RBM25: variants seen among roughly 807,000 people sequenced by gnomAD.
The protein encoded by RBM25 is RNA-binding protein 25.
A neutral mutation model predicts 120.7 loss-of-function variants in RBM25; 19 were observed. That is an observed-to-expected ratio of 0.16 (90% CI 0.11 to 0.23). The LOEUF (loss-of-function observed/expected upper bound fraction) is 0.23, where lower values mean the gene tolerates loss of function less well. Ranked by LOEUF, RBM25 falls within the 10% of genes least tolerant of loss-of-function variation. The pLI is 1.00. For synonymous variants in RBM25, 390 were observed against 326.7 expected (o/e 1.19, Z -2.09); for missense variants, 605 against 1,041.5 (o/e 0.58, Z 5.77).
chr14:73,070,886 G>T (rs551036680), intron 1 of RBM25, among the ~76,000 whole-genome samples: 43 of 149,196 alleles, frequency 2.9e-4, no homozygotes, highest in African/African-American at 9.9e-4. Context: ...GGTGGAGATT[G>T]CAGTAAGCCA....
intron 4 of RBM25, among the ~76,000 whole-genome samples, chr14:73,079,579 C>G (rs770213180): frequency 1.3e-5 from 2 of 150,618 alleles, no homozygotes; most frequent in Non-Finnish European, 3.0e-5. Context: ...ATGAGTAGTT[C>G]AGTATGAGTC....
Position 73,071,749 on chromosome 14 carries a change from T to C in RBM25, c.106+2T>C. ...GATTTCCTCCACCTGTACCTCCAGGTAAGTTTGTTGATACTGTTTTTTGTC... is the reference window on the plus strand; with the variant it reads ...GATTTCCTCCACCTGTACCTCCAGGCAAGTTTGTTGATACTGTTTTTTGTC... On this transcript the variant is annotated splice_donor_variant, in intron 2 of 18. Transcript: ENST00000261973. LOFTEE classifies it high-confidence loss of function. 1 of 1,606,240 alleles carries C rather than the reference T, an allele frequency of 6.2e-7. No homozygotes were observed. Among genetic ancestry groups the C allele is most frequent in the African/African-American group, 1.3e-5 (1 of 74,882 alleles).
chr14:73,060,595 A>G lies in RBM25; in HGVS notation c.-16+1890A>G, dbSNP rs190909776. Among the ~76,000 whole-genome samples the G allele has an allele frequency of 3.6e-4, 54 of 151,568 alleles. No individual in the cohort carries two copies. The East Asian group carries it at 9.1e-3, about 25-fold the overall frequency. On this transcript the variant is annotated intron_variant, in intron 1 of 18. Coordinates refer to ENST00000261973, the MANE Select transcript of RBM25 (RefSeq NM_021239.3). ...CTTGATTGACTTTTCAAACACTATCACTGCCATTCACAAAAGGGGATTTTT... is the reference window on the plus strand; with the variant it reads ...CTTGATTGACTTTTCAAACACTATCGCTGCCATTCACAAAAGGGGATTTTT...
At chr14:73,105,248 C>CA (rs1028653014) in intron 10 of RBM25, among the ~76,000 whole-genome samples, 2 of 151,332 alleles carry the variant, frequency 1.3e-5, no homozygotes, top group African/African-American at 4.9e-5. Flanking sequence ...GGCAGGACTA[C>CA]AGGCACGTGC....
chr14:73,103,976 A>ACG (rs1594928403), intron 10 of RBM25, among the ~76,000 whole-genome samples: 1 of 144,754 alleles, frequency 6.9e-6, no homozygotes, highest in East Asian at 2.0e-4. Flanking sequence ...ACACACACAC[A>ACG]CACACACACA....
Position 73,122,536 on chromosome 14 carries a change from A to G in RBM25, c.*2731A>G, listed in dbSNP as rs1029012012. On this transcript the variant is annotated 3_prime_UTR_variant, in exon 19 of 19. Transcript: ENST00000261973. ...GGTGATCCACCCGCCTCAGCCTCCC[A>G]AAGTGCTGGTATTACAGGCGTGAGC... 1 of 152,192 alleles carries G rather than the reference A, an allele frequency of 6.6e-6. No individual in the cohort carries two copies. The highest frequency in any genetic ancestry group is 2.1e-4 in the South Asian group (1 of 4,824). The allele number at this position is 152,192 out of a possible 1,614,324, so 9.4% of individuals were successfully genotyped here.
intron 6 of RBM25, among the ~76,000 whole-genome samples, chr14:73,090,575 C>G (rs542004101): frequency 6.6e-6 from 1 of 152,264 alleles, no homozygotes; most frequent in South Asian, 2.1e-4. Context: ...TCAGCCTGCC[C>G]TTAGTTTCTG....
In RBM25 at chr14:73,099,444, A is replaced by T; in HGVS notation, c.783+11A>T. The T allele has an allele frequency of 6.2e-7, 1 of 1,608,888 alleles. No individual in the cohort carries two copies. ...CCACTCATCACTAAGGTTAGTTTAAATTGTAGGCTTTGACAATACCTGTGT... is the reference window on the plus strand; with the variant it reads ...CCACTCATCACTAAGGTTAGTTTAATTTGTAGGCTTTGACAATACCTGTGT... On this transcript the variant is annotated intron_variant, in intron 8 of 18. Transcript: ENST00000261973.
At chr14:73,090,568 G>A (rs935033649) in intron 6 of RBM25, among the ~76,000 whole-genome samples, 2 of 152,114 alleles carry the variant, frequency 1.3e-5, no homozygotes, top group African/African-American at 4.8e-5. Context: ...GACTTTATCA[G>A]CCTGCCCTTA....
intron 5 of RBM25, 95 bp from the exon 6 acceptor site, chr14:73,087,906 T>G: frequency 7.2e-6 from 9 of 1,249,038 alleles, no homozygotes; most frequent in Non-Finnish European, 9.9e-6. Context: ...GTCTTTGTAT[T>G]AAAACATTTG....
chr14:73,117,205 C>CTTTTATTTT (rs1896448964), intron 18 of RBM25, among the ~76,000 whole-genome samples: 3 of 36,562 alleles, frequency 8.2e-5, no homozygotes, highest in African/African-American at 3.1e-4. Flanking sequence ...TTTCTTTCTT[C>CTTTTATTTT]TTTTCTTTTT....
Position 73,099,376 on chromosome 14 carries a change from A to T in RBM25, c.730-4A>T, listed in dbSNP as rs763417521. 1.9e-6 allele frequency: 3 copies of T among 1,595,354 alleles called. No individual in the cohort carries two copies. Among genetic ancestry groups the T allele is most frequent in the Non-Finnish European group, 2.6e-6 (3 of 1,176,002 alleles). ...AAAAAGATTCTTGGTGGATTTTTTC[A>T]CAGATTTTCCGCAGATTTCCAGTGG... On this transcript the variant is annotated splice_region_variant and splice_polypyrimidine_tract_variant and intron_variant, in intron 7 of 18. Transcript: ENST00000261973.
At position 73,118,313 on chromosome 14, in the gene RBM25, TA is replaced by T. The variant is rs540924106; in HGVS notation, c.2440-1395del. ...CAACATAGTGAGACCCTGTCTCTAC[TA>T]AAAAGCACAAAAATGTAGCCAGGAG... is the stretch of plus-strand genomic sequence containing the variant. On this transcript the variant is annotated intron_variant, in intron 18 of 18. Coordinates refer to ENST00000261973, the MANE Select transcript of RBM25 (RefSeq NM_021239.3). Among the ~76,000 whole-genome samples the T allele has an allele frequency of 3.7e-4, 57 of 152,108 alleles. 2 individuals are homozygous for T. In the East Asian group the frequency reaches 0.011, roughly 29 times the overall value.
Position 73,091,320 on chromosome 14 carries a change from A to G in RBM25, c.543+3159A>G, listed in dbSNP as rs73301262. On this transcript the variant is annotated intron_variant, in intron 6 of 18. Transcript: ENST00000261973. Reference sequence around the variant, plus strand: ...CTGCTCACTGCAACCTCCTATTCCCAGGCTCCAGTGATCCTTCTGCCTCAG... The same window carrying G: ...CTGCTCACTGCAACCTCCTATTCCCGGGCTCCAGTGATCCTTCTGCCTCAG... Among the ~76,000 whole-genome samples, 752 of 152,134 alleles carry G rather than the reference A, an allele frequency of 4.9e-3. 5 individuals are homozygous for G. Among genetic ancestry groups the G allele is most frequent in the African/African-American group, 0.017 (691 of 41,484 alleles).
In RBM25 at chr14:73,071,664, A is replaced by C. The variant is rs781103334; in HGVS notation, c.23A>C (p.Asn8Thr). Residue 8 changes from asparagine (N) to threonine (T), a missense_variant, in exon 2 of 19, where the codon AAT becomes ACT. Coordinates refer to ENST00000261973, the MANE Select transcript of RBM25 (RefSeq NM_021239.3). ...AGAATGTCTTTTCCACCTCATTTGA[A>C]TCGCCCTCCCATGGGAATCCCAGCA... MSFPPHL[N>T]RPPMGIPALP... The C allele has an allele frequency of 5.6e-6, 9 of 1,613,662 alleles. No individual in the cohort carries two copies. The East Asian group carries it at 1.8e-4, about 32-fold the overall frequency.
chr14:73,078,838 A>G (rs1324054153), intron 4 of RBM25, among the ~76,000 whole-genome samples: 1 of 152,160 alleles, frequency 6.6e-6, no homozygotes, highest in Non-Finnish European at 1.5e-5. Context: ...TCCTGGCCTC[A>G]AGCAAACCGC....
Position 73,110,508 on chromosome 14 carries a change from A to G in RBM25, c.1693-323A>G, listed in dbSNP as rs1004417730. 2.0e-5 allele frequency among the ~76,000 whole-genome samples: 3 copies of G among 150,864 alleles called. No homozygotes were observed. The South Asian group carries it at 6.3e-4, about 32-fold the overall frequency. Reference sequence around the variant, plus strand: ...AGTGCGATTCTGCAAGGCTCACTGCAACCTCCACCTCCCAGGTTCAAGCGA... The same window carrying G: ...AGTGCGATTCTGCAAGGCTCACTGCGACCTCCACCTCCCAGGTTCAAGCGA... On this transcript the variant is annotated intron_variant, in intron 14 of 18. Transcript: ENST00000261973.
intron 12 of RBM25, chr14:73,107,621 G>A (rs1340174493): frequency 2.0e-6 from 1 of 507,882 alleles, no homozygotes; most frequent in Non-Finnish European, 3.4e-6. Context: ...AATATGGTTT[G>A]AATTCTGGGA....
At chr14:73,070,945 C>CAAAAAAA (rs377148981) in intron 1 of RBM25, among the ~76,000 whole-genome samples, 1 of 123,976 alleles carries the variant, frequency 8.1e-6, no homozygotes, top group African/African-American at 3.1e-5. Context: ...GACTCCATCT[C>CAAAAAAA]AAAAAAAAAA....
Sources: allele counts gnomAD v4.1 joint callset (sites outside exome capture counted in the v4.1 genomes callset), GRCh38; gene constraint gnomAD v4.1.1; transcripts MANE v1.5; gene names NCBI Gene and HGNC (gene_info 2026-07-23, HGNC 2026-07-21).